GPM6A: variants seen among roughly 807,000 people sequenced by gnomAD.
GPM6A encodes the protein glycoprotein M6A.
GPM6A carries 7 observed loss-of-function variants against 32.1 expected under a neutral mutation model. That is an observed-to-expected ratio of 0.22 (90% CI 0.12 to 0.41). The LOEUF is 0.41. Ranked by LOEUF, GPM6A falls within the 10% of genes least tolerant of loss-of-function variation. The probability of loss-of-function intolerance (pLI) is 1.00; values close to 1 mark genes in which losing one functional copy is unlikely to be tolerated. For synonymous variants in GPM6A, 130 were observed against 123.4 expected, an observed-to-expected ratio of 1.05 and a Z score of -0.35; for missense variants, 235 against 347.2, an observed-to-expected ratio of 0.68 and a Z score of 2.57.
chr4:175,972,214 G>C (rs558905093), intron 1 of GPM6A, among the ~76,000 whole-genome samples: 2 of 152,118 alleles, frequency 1.3e-5, no homozygotes, highest in South Asian at 4.2e-4. Flanking sequence ...AAAAGCAATA[G>C]AAGATTTTTT....
At chr4:175,812,795 G>A, upstream of GPM6A, 1 of 985,286 alleles carries the variant, frequency 1.0e-6, no homozygotes, top group Non-Finnish European at 1.2e-6. Context: ...TGCAGCAGTG[G>A]CTTCTCACCC....
chr4:175,918,676 T>C (rs1738572008), intron 1 of GPM6A, among the ~76,000 whole-genome samples: 1 of 152,170 alleles, frequency 6.6e-6, no homozygotes, highest in African/African-American at 2.4e-5. Flanking sequence ...TGCTGGAGTT[T>C]CCTAAGAAAA....
At chr4:175,898,514 C>A (rs1484038203) in intron 1 of GPM6A, among the ~76,000 whole-genome samples, 1 of 152,110 alleles carries the variant, frequency 6.6e-6, no homozygotes, top group African/African-American at 2.4e-5. Context: ...GATTCTAATG[C>A]CCAAGAATGA....
intron 1 of GPM6A, among the ~76,000 whole-genome samples, chr4:175,720,946 T>C (rs1482707215): frequency 1.3e-5 from 2 of 150,644 alleles, no homozygotes; most frequent in Admixed American, 6.7e-5. Flanking sequence ...GAAAGTAATA[T>C]CAGAACTGTG....
At chr4:175,808,444 C>T (rs544490126) in intron 1 of GPM6A, among the ~76,000 whole-genome samples, 1 of 152,252 alleles carries the variant, frequency 6.6e-6, no homozygotes, top group East Asian at 1.9e-4. Context: ...GTACCCTCTC[C>T]TTTCATTTAT....
intron 1 of GPM6A, among the ~76,000 whole-genome samples, chr4:175,927,437 A>T (rs1224938021): frequency 6.6e-6 from 1 of 152,250 alleles, no homozygotes; most frequent in Admixed American, 6.5e-5. Flanking sequence ...TGATTCCCTG[A>T]AAAGGAAAGC....
chr4:175,698,883 C>G (rs1744719747), intron 2 of GPM6A, among the ~76,000 whole-genome samples: 1 of 152,270 alleles, frequency 6.6e-6, no homozygotes, highest in Admixed American at 6.5e-5. Context: ...ACTCCCCTCA[C>G]CCCTACATAC....
At chr4:175,794,712 C>T (rs972898977) in intron 1 of GPM6A, among the ~76,000 whole-genome samples, 1 of 151,982 alleles carries the variant, frequency 6.6e-6, no homozygotes, top group African/African-American at 2.4e-5. Flanking sequence ...GAGGCATGGT[C>T]GGTAAGAAAG....
At chr4:175,876,437 G>A (rs1191361364) in intron 1 of GPM6A, among the ~76,000 whole-genome samples, 1 of 152,116 alleles carries the variant, frequency 6.6e-6, no homozygotes, top group African/African-American at 2.4e-5. Context: ...AACATATACT[G>A]TACTTTTTGT....
At chr4:175,842,080 C>G (rs1735953923) in intron 1 of GPM6A, among the ~76,000 whole-genome samples, 1 of 151,906 alleles carries the variant, frequency 6.6e-6, no homozygotes, top group South Asian at 2.1e-4. Flanking sequence ...AAATTTAGTT[C>G]TTTTTGGTGT....
chr4:175,837,682 A>G (rs1480379448), intron 1 of GPM6A, among the ~76,000 whole-genome samples: 1 of 152,206 alleles, frequency 6.6e-6, no homozygotes, highest in Non-Finnish European at 1.5e-5. Context: ...CAAATGAGAC[A>G]GGGACAACGG....
intron 1 of GPM6A, among the ~76,000 whole-genome samples, chr4:175,963,720 A>G (rs1280926417): frequency 6.6e-6 from 1 of 152,160 alleles, no homozygotes; most frequent in Non-Finnish European, 1.5e-5. Flanking sequence ...ATAAGGGTAA[A>G]ATGATATCTT....
intron 1 of GPM6A, among the ~76,000 whole-genome samples, chr4:175,902,763 A>G (rs935960042): frequency 2.6e-5 from 4 of 152,012 alleles, no homozygotes; most frequent in African/African-American, 7.2e-5. Context: ...TGCAGCAGAG[A>G]GAGCTCTTCT....
intron 1 of GPM6A, among the ~76,000 whole-genome samples, chr4:175,851,653 C>T (rs886146229): frequency 2.6e-5 from 4 of 152,110 alleles, no homozygotes; most frequent in Non-Finnish European, 5.9e-5. Context: ...GAGGAGAAAG[C>T]CTGTCAATCT....
chr4:175,854,382 A>T (rs1005081633), intron 1 of GPM6A, among the ~76,000 whole-genome samples: 2 of 152,180 alleles, frequency 1.3e-5, no homozygotes. Flanking sequence ...AAAGGTGAAA[A>T]TCCTAGGACT....
At chr4:175,887,367 T>A (rs1440424198) in intron 1 of GPM6A, among the ~76,000 whole-genome samples, 1 of 151,912 alleles carries the variant, frequency 6.6e-6, no homozygotes, top group Non-Finnish European at 1.5e-5. Context: ...AAAATACAAC[T>A]GAACTTCAGT....
chr4:175,971,591 G>A (rs946375168), intron 1 of GPM6A, among the ~76,000 whole-genome samples: 6 of 151,958 alleles, frequency 3.9e-5, no homozygotes, highest in Non-Finnish European at 7.4e-5. Context: ...ATTTGGAAGC[G>A]GGCGGCATCA....
chr4:175,869,110 T>C (rs1183930361), intron 1 of GPM6A, among the ~76,000 whole-genome samples: 1 of 152,152 alleles, frequency 6.6e-6, no homozygotes. Context: ...CCTAACAAAA[T>C]CACAAACAAT....
At chr4:175,885,275 C>T (rs1054845310) in intron 1 of GPM6A, among the ~76,000 whole-genome samples, 1 of 152,200 alleles carries the variant, frequency 6.6e-6, no homozygotes, top group Non-Finnish European at 1.5e-5. Flanking sequence ...AAACCAGACA[C>T]AGCGAGTACA....
Sources: allele counts gnomAD v4.1 joint callset (sites outside exome capture counted in the v4.1 genomes callset), GRCh38; gene constraint gnomAD v4.1.1; transcripts MANE v1.5; gene names NCBI Gene and HGNC (gene_info 2026-07-23, HGNC 2026-07-21).